The following PKNOX1 variants were observed in gnomAD, a reference collection of about 807,000 sequenced individuals.
PKNOX1 encodes the protein homeobox protein PKNOX1.
In PKNOX1, 15 loss-of-function variants were observed where a neutral mutation model predicts 51.9. That is an observed-to-expected ratio of 0.29 (90% CI 0.19 to 0.45). PKNOX1 has a LOEUF of 0.45. Among genes scored for constraint, PKNOX1 ranks in the 20% least tolerant of loss-of-function variants. The probability of loss-of-function intolerance (pLI) is 1.00; values close to 1 mark genes in which losing one functional copy is unlikely to be tolerated. For synonymous variants in PKNOX1, 219 were observed against 211.1 expected, an observed-to-expected ratio of 1.04 and a Z score of -0.32; for missense variants, 462 against 547.5, an observed-to-expected ratio of 0.84 and a Z score of 1.56.
chr21:43,002,618 GA>G (rs1978813697), intron 1 of PKNOX1, among the ~76,000 whole-genome samples: 1 of 152,220 alleles, frequency 6.6e-6, no homozygotes. Context: ...CGGATTTTGT[GA>G]GGGCAGATTG....
rs141598564 is a variant in PKNOX1, at chr21:43,032,011, G to A, written c.*1910G>A. ...TGAGTAGCTGGGATTACAGGCATGCGCCACCACACCCGGCTAATTTTGTAT... is the reference window on the plus strand; with the variant it reads ...TGAGTAGCTGGGATTACAGGCATGCACCACCACACCCGGCTAATTTTGTAT... On this transcript the variant is annotated 3_prime_UTR_variant, in exon 11 of 11. Coordinates refer to ENST00000291547, the MANE Select transcript of PKNOX1 (RefSeq NM_004571.5). 1,581 of 358,660 alleles carry A rather than the reference G, an allele frequency of 4.4e-3. 7 individuals are homozygous for A. Among genetic ancestry groups the A allele is most frequent in the Middle Eastern group, 0.029 (60 of 2,082 alleles). 22.2% of individuals were successfully genotyped at this position (358,660 alleles called of 1,614,324 possible).
Position 42,980,382 on chromosome 21 carries a change from G to GAA in PKNOX1, c.-57+5726_-57+5727dup, listed in dbSNP as rs35636396. Among the ~76,000 whole-genome samples the GAA allele has an allele frequency of 3.8e-4, 58 of 151,162 alleles. 1 individual carries two copies. The highest frequency in any genetic ancestry group is 1.2e-3 in the African/African-American group (49 of 41,118). On this transcript the variant is annotated intron_variant, in intron 1 of 10. Coordinates refer to ENST00000291547, the MANE Select transcript of PKNOX1 (RefSeq NM_004571.5). ...GCAAGACTCCATGTCCGAAAAAAGA[G>GAA]AAAAAAAAATACTACTTGTAAATAG...
chr21:43,018,129 C>A lies in PKNOX1; in HGVS notation c.623-4C>A. The A allele has an allele frequency of 6.4e-7, 1 of 1,568,602 alleles. No homozygotes were observed. Among genetic ancestry groups the A allele is most frequent in the Non-Finnish European group, 8.8e-7 (1 of 1,140,454 alleles). The stretch of plus-strand genomic sequence containing the variant: ...AGCCTCATATTTTTATTCTCCCTTT[C>A]GAGGTGGCACAGTGTATCAGCCTGT... On this transcript the variant is annotated splice_polypyrimidine_tract_variant and splice_region_variant and intron_variant, in intron 6 of 10. Coordinates refer to ENST00000291547, the MANE Select transcript of PKNOX1 (RefSeq NM_004571.5).
intron 10 of PKNOX1, among the ~76,000 whole-genome samples, chr21:43,029,410 T>C (rs981487480): frequency 7.0e-6 from 1 of 142,318 alleles, no homozygotes; most frequent in East Asian, 2.1e-4. Flanking sequence ...TATTTTTTTT[T>C]ATTTGTTTGC....
At chr21:43,000,575 C>T (rs1978707732) in intron 1 of PKNOX1, among the ~76,000 whole-genome samples, 1 of 152,150 alleles carries the variant, frequency 6.6e-6, no homozygotes, top group Non-Finnish European at 1.5e-5. Context: ...TCCCACAACA[C>T]GTGGGAATTC....
intron 1 of PKNOX1, among the ~76,000 whole-genome samples, chr21:42,993,432 C>G (rs1246075564): frequency 6.6e-6 from 1 of 152,168 alleles, no homozygotes; most frequent in Non-Finnish European, 1.5e-5. Context: ...AGACTGGCCC[C>G]ACTCCTGTTG....
chr21:43,023,446 C>T (rs866229359), intron 8 of PKNOX1, among the ~76,000 whole-genome samples: 6 of 152,056 alleles, frequency 3.9e-5, no homozygotes, highest in Non-Finnish European at 7.4e-5. Flanking sequence ...TTGCTGGTAC[C>T]GTTCATTCTC....
chr21:43,007,680 TA>T lies in PKNOX1; in HGVS notation c.179+66del, dbSNP rs749138482. The T allele has an allele frequency of 5.7e-6, 9 of 1,585,290 alleles. No homozygotes were observed. In the East Asian group the frequency reaches 6.7e-5, roughly 12 times the overall value. ...GAGTGAGGAGTGTCCACAAGTTTGT[TA>T]AAAGGAACACCAGAACTAGTAGCGA... On this transcript the variant is annotated intron_variant, in intron 3 of 10. Transcript: ENST00000291547.
At chr21:42,981,509 G>A in intron 1 of PKNOX1, among the ~76,000 whole-genome samples, 1 of 152,236 alleles carries the variant, frequency 6.6e-6, no homozygotes, top group East Asian at 1.9e-4. Flanking sequence ...TCAGGGACTT[G>A]AGAAGGGGAC....
intron 1 of PKNOX1, among the ~76,000 whole-genome samples, chr21:42,985,965 C>A (rs1261312090): frequency 7.1e-6 from 1 of 141,006 alleles, no homozygotes; most frequent in Non-Finnish European, 1.5e-5. Context: ...CGTGCCATTG[C>A]AGTCTAGCCT....
intron 1 of PKNOX1, among the ~76,000 whole-genome samples, chr21:42,983,746 T>C (rs1480933545): frequency 1.3e-5 from 2 of 152,228 alleles, no homozygotes; most frequent in Non-Finnish European, 2.9e-5. Flanking sequence ...TTTATATTCC[T>C]TTTAATTTAA....
intron 2 of PKNOX1, among the ~76,000 whole-genome samples, chr21:43,006,529 G>A (rs928416289): frequency 1.3e-5 from 2 of 151,946 alleles, no homozygotes; most frequent in South Asian, 2.1e-4. Flanking sequence ...AACATAAACA[G>A]TTTTCCTAAT....
chr21:43,018,474 C>CCACA (rs555017462), intron 7 of PKNOX1, among the ~76,000 whole-genome samples: 541 of 14,456 alleles, frequency 0.037, 198 homozygotes, highest in East Asian at 0.11. Flanking sequence ...CCCCTGCCAC[C>CCACA]CACACACACA....
intron 1 of PKNOX1, among the ~76,000 whole-genome samples, chr21:42,982,746 A>C (rs1260502936): frequency 6.6e-6 from 1 of 151,520 alleles, no homozygotes; most frequent in East Asian, 1.9e-4. Context: ...AAAAAAAAAA[A>C]AGTTTAATAA....
intron 8 of PKNOX1, among the ~76,000 whole-genome samples, chr21:43,022,832 C>T (rs767835267): frequency 2.0e-5 from 3 of 151,926 alleles, no homozygotes; most frequent in Admixed American, 6.6e-5. Context: ...TCTAAGCAGT[C>T]GGGAGGTTTA....
intron 10 of PKNOX1, among the ~76,000 whole-genome samples, chr21:43,029,232 G>A (rs1980121065): frequency 6.6e-6 from 1 of 152,006 alleles, no homozygotes; most frequent in South Asian, 2.1e-4. Flanking sequence ...TTCTCACCAC[G>A]TGGCTTCTTT....
intron 10 of PKNOX1, among the ~76,000 whole-genome samples, chr21:43,029,632 C>T (rs990775539): frequency 4.0e-5 from 6 of 151,844 alleles, no homozygotes; most frequent in South Asian, 2.1e-4. Context: ...GGGGTTTCAC[C>T]GTGTTCACCA....
rs2146281481 is a variant in PKNOX1 at position 43,017,155 on chromosome 21, T to G, written c.622+148T>G. 5 of 484,362 alleles carry G rather than the reference T, an allele frequency of 1.0e-5. No homozygotes were observed. In the East Asian group the frequency reaches 1.5e-4, roughly 15 times the overall value. The allele number at this position is 484,362 out of a possible 1,614,324, so 30.0% of individuals were successfully genotyped here. A position where few individuals can be genotyped will look rare whatever the true frequency, so the allele number is the denominator to read the frequency against. The stretch of plus-strand genomic sequence containing the variant: ...AAGCTAGAGGTCTCTGAATGCCTCT[T>G]TCTTGTTAATACTCAATAACAAATA... On this transcript the variant is annotated intron_variant, in intron 6 of 10. Transcript: ENST00000291547.
At chr21:43,027,715 C>T (rs959404311) in intron 9 of PKNOX1, among the ~76,000 whole-genome samples, 2 of 151,822 alleles carry the variant, frequency 1.3e-5, no homozygotes, top group Non-Finnish European at 2.9e-5. Context: ...GTGAAGAGAT[C>T]GAGACCATCT....
Sources: allele counts gnomAD v4.1 joint callset (sites outside exome capture counted in the v4.1 genomes callset), GRCh38; gene constraint gnomAD v4.1.1; transcripts MANE v1.5; gene names NCBI Gene and HGNC (gene_info 2026-07-23, HGNC 2026-07-21).